IL1RAP: variants seen among roughly 807,000 people sequenced by gnomAD.
IL1RAP encodes the protein interleukin-1 receptor accessory protein.
IL1RAP carries 35 observed loss-of-function variants against 60.7 expected under a neutral mutation model. That is an observed-to-expected ratio of 0.58 (90% CI 0.44 to 0.76). IL1RAP has a LOEUF of 0.76. IL1RAP is among the 30% of genes least tolerant of loss of function. The pLI, the probability that IL1RAP is intolerant of heterozygous loss-of-function variation, is 0.00. For missense variants in IL1RAP, 572 were observed against 693.9 expected, an observed-to-expected ratio of 0.82 and a Z score of 1.97; for synonymous variants, 268 against 250.9, an observed-to-expected ratio of 1.07 and a Z score of -0.64.
intron 1 of IL1RAP, among the ~76,000 whole-genome samples, chr3:190,517,055 G>T (rs1294545272): frequency 6.6e-6 from 1 of 152,108 alleles, no homozygotes; most frequent in African/African-American, 2.4e-5. Flanking sequence ...GTTATTTCAG[G>T]ATATCCTTTT....
intron 3 of IL1RAP, among the ~76,000 whole-genome samples, chr3:190,578,577 G>C (rs963251690): frequency 2.6e-5 from 4 of 152,136 alleles, no homozygotes; most frequent in African/African-American, 4.8e-5. Flanking sequence ...ATAAGCATTA[G>C]CTACCCAAAT....
chr3:190,549,181 C>G (rs1450641830), intron 1 of IL1RAP, among the ~76,000 whole-genome samples: 3 of 152,124 alleles, frequency 2.0e-5, no homozygotes, highest in Non-Finnish European at 2.9e-5. Context: ...ACCCCTGGTT[C>G]CCACCCAGGA....
chr3:190,650,455 G>C lies in IL1RAP; in HGVS notation c.*1750G>C, dbSNP rs1560247421. 6 of 980,756 alleles carry C rather than the reference G, an allele frequency of 6.1e-6. No homozygotes were observed. The highest frequency in any genetic ancestry group is 7.3e-6 in the Non-Finnish European group (6 of 825,774). 60.8% of individuals were successfully genotyped at this position (980,756 alleles called of 1,614,324 possible). On this transcript the variant is annotated 3_prime_UTR_variant, in exon 12 of 12. Transcript: ENST00000447382. ...TGTTAACCTCAGTGCTCAACTATTT[G>C]AACTGTTGAGTGATAAAGGAAACAA...
chr3:190,623,227 C>G, intron 6 of IL1RAP, 117 bp from the exon 7 acceptor site: 1 of 753,656 alleles, frequency 1.3e-6, no homozygotes, highest in South Asian at 1.5e-5. Context: ...TATAGGCCTT[C>G]TCTAAAACAA....
chr3:190,637,209 G>C (rs1733293934), intron 9 of IL1RAP, among the ~76,000 whole-genome samples: 1 of 151,878 alleles, frequency 6.6e-6, no homozygotes, highest in African/African-American at 2.4e-5. Flanking sequence ...AAATTTATTT[G>C]CTTATTTTTT....
chr3:190,644,107 C>T (rs1733842481), intron 9 of IL1RAP, 141 bp from the exon 10 acceptor site: 2 of 1,419,412 alleles, frequency 1.4e-6, no homozygotes, highest in Admixed American at 6.2e-5. Context: ...TAGTGCTAAA[C>T]TCTACAATGT....
intron 3 of IL1RAP, among the ~76,000 whole-genome samples, chr3:190,583,297 C>G (rs1462606552): frequency 1.3e-5 from 2 of 152,194 alleles, no homozygotes; most frequent in Non-Finnish European, 2.9e-5. Flanking sequence ...TCAGTAAATA[C>G]TCAGCGAATG....
chr3:190,520,641 C>T (rs1721936973), intron 1 of IL1RAP: 1 of 152,160 alleles, frequency 6.6e-6, no homozygotes, highest in Non-Finnish European at 1.5e-5. Flanking sequence ...GCTTCGATCT[C>T]AAGATTTCTA....
chr3:190,521,681 A>G (rs1722031832), intron 1 of IL1RAP, among the ~76,000 whole-genome samples: 1 of 151,874 alleles, frequency 6.6e-6, no homozygotes, highest in Non-Finnish European at 1.5e-5. Context: ...ATCCATAAAG[A>G]ACCCTTTATG....
chr3:190,631,281 T>C (rs1266318400), intron 9 of IL1RAP, among the ~76,000 whole-genome samples: 1 of 152,272 alleles, frequency 6.6e-6, no homozygotes, highest in East Asian at 1.9e-4. Context: ...GTCAAATGAA[T>C]AGGATCAGAA....
rs568037973 is a variant in IL1RAP at position 190,544,104 on chromosome 3, A to G, written c.-88-12026A>G. On this transcript the variant is annotated intron_variant, in intron 1 of 11. Coordinates refer to ENST00000447382, the MANE Select transcript of IL1RAP (RefSeq NM_002182.4). ...ATACATGCATTTTCTTCCCTTTTTCAGAAAGAGCAGAACAATTGAAAATAA... is the reference window on the plus strand; with the variant it reads ...ATACATGCATTTTCTTCCCTTTTTCGGAAAGAGCAGAACAATTGAAAATAA... 4.6e-5 allele frequency among the ~76,000 whole-genome samples: 7 copies of G among 152,306 alleles called. No individual in the cohort carries two copies. In the East Asian group the frequency reaches 1.4e-3, roughly 29 times the overall value.
At chr3:190,562,733 C>T (rs1161185352) in intron 2 of IL1RAP, among the ~76,000 whole-genome samples, 1 of 138,500 alleles carries the variant, frequency 7.2e-6, no homozygotes. Context: ...CACACACACA[C>T]ACATCTGCTA....
intron 2 of IL1RAP, among the ~76,000 whole-genome samples, chr3:190,558,384 G>A (rs997719215): frequency 2.0e-4 from 31 of 152,116 alleles, no homozygotes; most frequent in Non-Finnish European, 2.9e-5. Context: ...AGGGTATATG[G>A]ACATTTCATA....
At chr3:190,639,370 A>G (rs528897297) in intron 9 of IL1RAP, among the ~76,000 whole-genome samples, 22 of 151,866 alleles carry the variant, frequency 1.4e-4, no homozygotes, top group Non-Finnish European at 3.1e-4. Flanking sequence ...GTAGTTTCCA[A>G]TGTATGCTGG....
At chr3:190,551,901 C>T (rs1454819965) in intron 1 of IL1RAP, among the ~76,000 whole-genome samples, 7 of 152,132 alleles carry the variant, frequency 4.6e-5, no homozygotes, top group Admixed American at 3.3e-4. Context: ...AGCATATACT[C>T]AGATATTAGA....
intron 9 of IL1RAP, among the ~76,000 whole-genome samples, chr3:190,633,568 G>A (rs887902125): frequency 6.6e-6 from 1 of 151,996 alleles, no homozygotes; most frequent in Admixed American, 6.6e-5. Flanking sequence ...TGTTGGCCAG[G>A]CTTGTCTCAA....
intron 1 of IL1RAP, among the ~76,000 whole-genome samples, chr3:190,522,340 T>TCCTC (rs1553824745): frequency 4.1e-4 from 54 of 130,286 alleles, no homozygotes; most frequent in African/African-American, 1.1e-3. Flanking sequence ...CTTCCTTCCT[T>TCCTC]CCTCCCTCCC....
chr3:190,614,614 T>C (rs1388442324), intron 5 of IL1RAP, among the ~76,000 whole-genome samples: 1 of 152,146 alleles, frequency 6.6e-6, no homozygotes, highest in East Asian at 1.9e-4. Flanking sequence ...TATAGCGTGG[T>C]TGAGAAATAT....
chr3:190,590,621 A>G (rs960783994), intron 3 of IL1RAP, among the ~76,000 whole-genome samples: 3 of 152,216 alleles, frequency 2.0e-5, no homozygotes, highest in Admixed American at 2.0e-4. Context: ...TTCAGCCTCA[A>G]GGACAAACCC....
Sources: gnomAD v4.1 joint callset for allele counts (sites outside exome capture counted in the v4.1 genomes callset) on GRCh38, gnomAD v4.1.1 for gene constraint, MANE v1.5 for transcripts, NCBI Gene and HGNC (gene_info 2026-07-23, HGNC 2026-07-21) for gene names.